Variants in JARID2 observed in about 807,000 individuals in gnomAD.
JARID2 encodes protein Jumonji.
Under a neutral mutation model 125.6 loss-of-function variants are expected in JARID2, and 21 were observed. The observed-to-expected ratio is 0.17, with a 90% CI of 0.12 to 0.24. The LOEUF (loss-of-function observed/expected upper bound fraction) is 0.24. Among genes scored for constraint, JARID2 ranks in the 10% least tolerant of loss-of-function variants. The probability of loss-of-function intolerance (pLI) is 1.00; values close to 1 mark genes in which losing one functional copy is unlikely to be tolerated. For missense variants in JARID2, 1,303 were observed against 1,639.6 expected (o/e 0.79, Z 3.55); for synonymous variants, 736 against 661.6 (o/e 1.11, Z -1.73).
At chr6:15,486,336 C>T (rs780178558) in intron 5 of JARID2, among the ~76,000 whole-genome samples, 50 of 152,208 alleles carry the variant, frequency 3.3e-4, no homozygotes, top group Admixed American at 1.2e-3. Context: ...TGTAGAAACC[C>T]CAAGCATCCC....
At chr6:15,287,873 A>G (rs1355638401) in intron 1 of JARID2, among the ~76,000 whole-genome samples, 2 of 152,120 alleles carry the variant, frequency 1.3e-5, no homozygotes, top group Admixed American at 6.6e-5. Context: ...CCACTTCCCC[A>G]TTTGTGAGCT....
intron 5 of JARID2, among the ~76,000 whole-genome samples, chr6:15,476,449 C>T (rs373235359): frequency 2.6e-5 from 4 of 152,202 alleles, no homozygotes; most frequent in African/African-American, 4.8e-5. Context: ...CTTCTTCCTC[C>T]GAGCAGGAGT....
At chr6:15,354,218 G>A (rs541007967) in intron 1 of JARID2, among the ~76,000 whole-genome samples, 2 of 152,324 alleles carry the variant, frequency 1.3e-5, no homozygotes, top group East Asian at 3.9e-4. Flanking sequence ...AGACAGGACC[G>A]AAGGTGGGAG....
At chr6:15,277,376 A>C (rs1200777526) in intron 1 of JARID2, among the ~76,000 whole-genome samples, 1 of 152,108 alleles carries the variant, frequency 6.6e-6, no homozygotes, top group East Asian at 1.9e-4. Context: ...CTTCTGCTTC[A>C]ACCTCCCAAA....
At position 15,423,554 on chromosome 6, in the gene JARID2, A is replaced by G. The variant is rs1766594588; in HGVS notation, c.323+13189A>G. On this transcript the variant is annotated intron_variant, in intron 3 of 17. Coordinates refer to ENST00000341776, the MANE Select transcript of JARID2 (RefSeq NM_004973.4). ...AGGCTGGTATTTTAAGTTCACTTTT[A>G]TGGGTCATGTGTGGGTAGATTTGTG... 2.0e-5 allele frequency among the ~76,000 whole-genome samples: 3 copies of G among 152,110 alleles called. No homozygotes were observed. The South Asian group carries it at 6.2e-4, about 32-fold the overall frequency.
At chr6:15,344,008 G>C (rs1763158831) in intron 1 of JARID2, among the ~76,000 whole-genome samples, 1 of 152,012 alleles carries the variant, frequency 6.6e-6, no homozygotes, top group Non-Finnish European at 1.5e-5. Context: ...GAGTTAGTGG[G>C]AGCCACCCTT....
chr6:15,494,335 C>A (rs530847954), intron 6 of JARID2, among the ~76,000 whole-genome samples: 1 of 151,224 alleles, frequency 6.6e-6, no homozygotes, highest in African/African-American at 2.4e-5. Flanking sequence ...GACACTCTGC[C>A]GGTAGGGCCC....
At chr6:15,399,200 A>AAGAGGT (rs1765329852) in intron 2 of JARID2, among the ~76,000 whole-genome samples, 1 of 152,118 alleles carries the variant, frequency 6.6e-6, no homozygotes, top group Non-Finnish European at 1.5e-5. Flanking sequence ...GCCATTGGAG[A>AAGAGGT]GCACCTCTTC....
Position 15,497,090 on chromosome 6 carries a change from G to A in JARID2, c.1865G>A (p.Gly622Asp), listed in dbSNP as rs776254668. The part of the protein sequence containing the change: ...QHIHKLGRRW[G>D]PNVQRLACIK... ...ATCCACAAGCTGGGCCGGCGCTGGG[G>A]CCCCAACGTGCAGCGGCTGGCCTGC... Residue 622 changes from glycine to aspartate, a missense_variant, in exon 7 of 18, where the codon GGC becomes GAC. Gly to Asp is a moderately conservative substitution (Grantham distance 94). Around this residue, in one of 11 missense-constraint regions of JARID2, gnomAD observed 64 missense variants for 166.8 expected, o/e 0.38. Transcript: ENST00000341776. 1 of 1,588,242 alleles carries A rather than the reference G, an allele frequency of 6.3e-7. No homozygotes were observed. Among genetic ancestry groups the A allele is most frequent in the South Asian group, 1.1e-5 (1 of 87,666 alleles).
intron 3 of JARID2, among the ~76,000 whole-genome samples, chr6:15,436,376 T>A (rs1389853270): frequency 1.3e-5 from 2 of 152,236 alleles, no homozygotes; most frequent in South Asian, 4.1e-4. Flanking sequence ...CCAGTGCTCT[T>A]CTGCGGCCGT....
intron 1 of JARID2, among the ~76,000 whole-genome samples, chr6:15,290,071 C>G (rs1419233021): frequency 6.6e-6 from 1 of 152,096 alleles, no homozygotes; most frequent in Non-Finnish European, 1.5e-5. Context: ...TTATACATAC[C>G]TATGTAATCA....
chr6:15,455,036 A>T (rs1350225309), intron 4 of JARID2, among the ~76,000 whole-genome samples: 1 of 152,062 alleles, frequency 6.6e-6, no homozygotes, highest in East Asian at 1.9e-4. Flanking sequence ...CAGCAATGTG[A>T]TTCAGGTATA....
intron 3 of JARID2, among the ~76,000 whole-genome samples, chr6:15,412,997 C>G (rs1026403633): frequency 2.2e-5 from 2 of 92,574 alleles, no homozygotes; most frequent in Non-Finnish European, 4.2e-5. Flanking sequence ...ATGGGAAGAG[C>G]TTGTGTTTTT....
intron 1 of JARID2, among the ~76,000 whole-genome samples, chr6:15,337,144 A>G (rs1422691833): frequency 6.6e-6 from 1 of 152,082 alleles, no homozygotes; most frequent in South Asian, 2.1e-4. Flanking sequence ...GCTTCCCTTC[A>G]TGCAGTTTTA....
At chr6:15,339,361 T>C (rs1386084975) in intron 1 of JARID2, among the ~76,000 whole-genome samples, 1 of 152,048 alleles carries the variant, frequency 6.6e-6, no homozygotes, top group South Asian at 2.1e-4. Context: ...GCCCCTGATA[T>C]CAGGAGGAAG....
At chr6:15,278,113 A>G (rs138568787) in intron 1 of JARID2, among the ~76,000 whole-genome samples, 2 of 152,070 alleles carry the variant, frequency 1.3e-5, no homozygotes, top group African/African-American at 4.8e-5. Flanking sequence ...CATGCCTGTA[A>G]TCCCAGGCTG....
At chr6:15,364,708 A>G (rs940974112) in intron 1 of JARID2, among the ~76,000 whole-genome samples, 3 of 152,244 alleles carry the variant, frequency 2.0e-5, no homozygotes, top group African/African-American at 7.2e-5. Flanking sequence ...GGGACGTAGT[A>G]AAATGCACTA....
At chr6:15,451,584 C>T (rs1379540969) in intron 3 of JARID2, among the ~76,000 whole-genome samples, 1 of 152,060 alleles carries the variant, frequency 6.6e-6, no homozygotes, top group African/African-American at 2.4e-5. Flanking sequence ...TTTGTGACCC[C>T]GTTAGATGGA....
chr6:15,374,653 G>A (rs1035986102), intron 2 of JARID2, among the ~76,000 whole-genome samples: 5 of 152,156 alleles, frequency 3.3e-5, no homozygotes, highest in African/African-American at 9.7e-5. Flanking sequence ...CTGGCTCAGC[G>A]GCTTTCTCAT....
Sources: gnomAD v4.1 joint callset for allele counts (sites outside exome capture counted in the v4.1 genomes callset) on GRCh38, gnomAD v4.1.1 for gene constraint, gnomAD v4.1.1 regional missense constraint, MANE v1.5 for transcripts, NCBI Gene and HGNC (gene_info 2026-07-23, HGNC 2026-07-21) for gene names.